The following IBTK variants were observed in gnomAD, a reference collection of about 807,000 sequenced individuals.
The protein encoded by IBTK is inhibitor of Bruton tyrosine kinase, also known as BTK-binding protein.
Under a neutral mutation model 154.9 loss-of-function variants are expected in IBTK, and 83 were observed. The ratio of observed to expected loss-of-function variants is 0.54; its 90% CI spans 0.45 to 0.64. IBTK has a LOEUF of 0.64. Ranked by LOEUF, IBTK falls within the 30% of genes least tolerant of loss-of-function variation. The pLI, the probability that IBTK is intolerant of heterozygous loss-of-function variation, is 0.00. For synonymous variants in IBTK, 515 were observed against 536.1 expected (o/e 0.96, Z 0.54); for missense variants, 1,332 against 1,584.6 (o/e 0.84, Z 2.71).
intron 10 of IBTK, 58 bp downstream of exon 10, chr6:82,217,902 G>C: frequency 8.3e-7 from 1 of 1,198,468 alleles, no homozygotes; most frequent in Non-Finnish European, 1.1e-6. Context: ...CCTAATACTT[G>C]TCAAATTAAA....
chr6:82,217,238 C>T (rs1006619031), intron 10 of IBTK, among the ~76,000 whole-genome samples: 2 of 152,112 alleles, frequency 1.3e-5, no homozygotes, highest in African/African-American at 4.8e-5. Context: ...GACTAAGACA[C>T]ACTTCTAAAG....
At chr6:82,204,307 T>C (rs1372753912) in intron 17 of IBTK, among the ~76,000 whole-genome samples, 1 of 152,142 alleles carries the variant, frequency 6.6e-6, no homozygotes, top group African/African-American at 2.4e-5. Flanking sequence ...TGAATGAATT[T>C]GAGTGTCAGG....
At chr6:82,182,062 C>T (rs1225641951) in intron 25 of IBTK, 34 bp from the exon 26 acceptor site, 1 of 1,572,970 alleles carries the variant, frequency 6.4e-7, no homozygotes, top group Non-Finnish European at 8.6e-7. Flanking sequence ...GTTAAAACAT[C>T]CATTTTGTAA....
At chr6:82,232,781 C>T (rs928431349) in intron 3 of IBTK, among the ~76,000 whole-genome samples, 6 of 151,916 alleles carry the variant, frequency 3.9e-5, no homozygotes, top group East Asian at 1.9e-4. Flanking sequence ...TTTGAGAGGC[C>T]GAGGAGGGAG....
intron 10 of IBTK, among the ~76,000 whole-genome samples, chr6:82,216,821 A>G (rs1311677568): frequency 1.3e-5 from 2 of 152,192 alleles, no homozygotes; most frequent in Admixed American, 1.3e-4. Context: ...CAGGGAAGAC[A>G]GACATTACAC....
intron 10 of IBTK, 96 bp downstream of exon 10, chr6:82,217,864 T>A: frequency 1.3e-6 from 1 of 790,086 alleles, no homozygotes; most frequent in African/African-American, 1.8e-5. Flanking sequence ...TACATAAAAG[T>A]AAAACCTAAT....
chr6:82,238,802 G>A lies in IBTK; in HGVS notation c.321+1364C>T, dbSNP rs112413249. Among the ~76,000 whole-genome samples, 822 of 151,906 alleles carry A rather than the reference G, an allele frequency of 5.4e-3. 9 individuals are homozygous for A. Among genetic ancestry groups the A allele is most frequent in the African/African-American group, 0.019 (787 of 41,430 alleles). On this transcript the variant is annotated intron_variant, in intron 2 of 28. Transcript: ENST00000306270. ...CGCCTAGGCTGGAGTGCAGTGACAC[G>A]ATCTTGGCAAACTGCAACCTCTGCC...
chr6:82,236,777 C>T (rs1359280365), intron 2 of IBTK, among the ~76,000 whole-genome samples: 1 of 152,164 alleles, frequency 6.6e-6, no homozygotes, highest in African/African-American at 2.4e-5. Flanking sequence ...AGAGACGGAA[C>T]TGACATGAAG....
intron 1 of IBTK, 123 bp downstream of exon 1, chr6:82,247,439 A>C (rs911105630): frequency 6.6e-5 from 26 of 395,050 alleles, no homozygotes; most frequent in Non-Finnish European, 1.0e-4. Context: ...TCCCCTCCCC[A>C]CGGTCCCCCC....
At chr6:82,172,853 AT>A (rs1161650448) in intron 27 of IBTK, 1 of 225,022 alleles carries the variant, frequency 4.4e-6, no homozygotes, top group Non-Finnish European at 8.7e-6. Context: ...TAGAGAGAAA[AT>A]TTTGGAAAGT....
At chr6:82,231,313 C>CAAA (rs144796263) in intron 4 of IBTK, among the ~76,000 whole-genome samples, 9 of 146,684 alleles carry the variant, frequency 6.1e-5, no homozygotes, top group Admixed American at 3.4e-4. Flanking sequence ...TTAATGCCAC[C>CAAA]AAAAAAAAAA....
intron 6 of IBTK, 78 bp downstream of exon 6, chr6:82,225,399 T>C: frequency 9.2e-7 from 1 of 1,088,032 alleles, no homozygotes; most frequent in Non-Finnish European, 1.4e-6. Flanking sequence ...AGTTGCTCTG[T>C]CAATAACTTA....
intron 1 of IBTK, among the ~76,000 whole-genome samples, chr6:82,241,679 C>T (rs764315625): frequency 5.0e-4 from 76 of 151,898 alleles, no homozygotes; most frequent in Non-Finnish European, 9.6e-4. Flanking sequence ...ATCTGAAATC[C>T]GAAAGTCATA....
chr6:82,210,809 A>T lies in IBTK; in HGVS notation c.2509+5T>A. On this transcript the variant is annotated splice_donor_5th_base_variant and intron_variant, in intron 16 of 28. Coordinates refer to ENST00000306270, the MANE Select transcript of IBTK (RefSeq NM_015525.4). ...TATCTACAATGTCCTAACTCTTATT[A>T]ATACCTTTTATCACCACAGCTTCAT... 1 of 1,334,456 alleles carries T rather than the reference A, an allele frequency of 7.5e-7. No individual in the cohort carries two copies. Among genetic ancestry groups the T allele is most frequent in the Non-Finnish European group, 1.0e-6 (1 of 965,238 alleles). The allele number at this position is 1,334,456 out of a possible 1,614,324, so 82.7% of individuals were successfully genotyped here.
rs1769800687 is a variant in IBTK at position 82,214,681 on chromosome 6, C to A, written c.1750G>T (p.Val584Leu). ...LFPAHKYILAVHSDFFQKLFL... is the reference protein window; with the variant it reads ...LFPAHKYILALHSDFFQKLFL... The stretch of plus-strand genomic sequence containing the variant: ...AATTTCTGAAAAAAATCAGAATGCA[C>A]TGCCAAAATATATTTATGTGCAGGG... Residue 584 changes from valine to leucine, a missense_variant, in exon 12 of 29, where the codon GTG (valine) becomes TTG (leucine). Around this residue, in one of 3 missense-constraint regions of IBTK, gnomAD observed 1,134 missense variants for 1,274.7 expected, o/e 0.89. Transcript: ENST00000306270. The A allele has an allele frequency of 1.9e-6, 3 of 1,613,940 alleles. No homozygotes were observed. Among genetic ancestry groups the A allele is most frequent in the African/African-American group, 1.3e-5 (1 of 74,920 alleles).
At chr6:82,208,124 A>C (rs1769479765) in intron 16 of IBTK, among the ~76,000 whole-genome samples, 1 of 145,176 alleles carries the variant, frequency 6.9e-6, no homozygotes, top group Admixed American at 6.8e-5. Flanking sequence ...TCTCACCACA[A>C]AAAAAAAAAA....
At position 82,194,657 on chromosome 6, in the gene IBTK, A is replaced by C; in HGVS notation, c.3175-15T>G. ...TTGACTTTCGCCTGGGGAGAGAAAA[A>C]AAATAAAAAAAGTTAACAGGCACCT... On this transcript the variant is annotated splice_polypyrimidine_tract_variant and intron_variant, in intron 22 of 28. Coordinates refer to ENST00000306270, the MANE Select transcript of IBTK (RefSeq NM_015525.4). The C allele has an allele frequency of 6.4e-7, 1 of 1,552,030 alleles. No homozygotes were observed. The highest frequency in any genetic ancestry group is 1.4e-5 in the African/African-American group (1 of 72,094).
intron 7 of IBTK, 36 bp from the exon 8 acceptor site, chr6:82,223,656 G>C: frequency 6.4e-7 from 1 of 1,567,530 alleles, no homozygotes; most frequent in East Asian, 2.2e-5. Context: ...TCACAAAATA[G>C]CTCTTTTAAG....
In IBTK at chr6:82,201,403, C is replaced by T; in HGVS notation, c.2790+19G>A. 1 of 1,585,276 alleles carries T rather than the reference C, an allele frequency of 6.3e-7. No homozygotes were observed. The highest frequency in any genetic ancestry group is 8.6e-7 in the Non-Finnish European group (1 of 1,160,374). On this transcript the variant is annotated intron_variant, in intron 19 of 28. Coordinates refer to ENST00000306270, the MANE Select transcript of IBTK (RefSeq NM_015525.4). Reference sequence around the variant, plus strand: ...CTGGTAATATTATAGCCGCGAAAATCTTAAAACATAAACCTTACCATTTTC... The same window carrying T: ...CTGGTAATATTATAGCCGCGAAAATTTTAAAACATAAACCTTACCATTTTC...
Sources: allele counts gnomAD v4.1 joint callset (sites outside exome capture counted in the v4.1 genomes callset), GRCh38; gene constraint gnomAD v4.1.1; regional missense constraint gnomAD v4.1.1; transcripts MANE v1.5; gene names NCBI Gene and HGNC (gene_info 2026-07-23, HGNC 2026-07-21).